The following ARMC2 variants were observed in gnomAD, a reference collection of about 807,000 sequenced individuals.
ARMC2 encodes the protein armadillo repeat containing 2.
A neutral mutation model predicts 90.3 loss-of-function variants in ARMC2; 67 were observed. That is an observed-to-expected ratio of 0.74 (90% CI 0.61 to 0.91). ARMC2 has a LOEUF of 0.91. Among genes scored for constraint, ARMC2 ranks in the 40% least tolerant of loss-of-function variants. The pLI is 0.00. For synonymous variants in ARMC2, 393 were observed against 393.0 expected (o/e 1.00, Z 0.00); for missense variants, 920 against 1,030.9 (o/e 0.89, Z 1.47).
intron 1 of ARMC2, among the ~76,000 whole-genome samples, chr6:108,851,549 C>T (rs1178278857): frequency 1.3e-5 from 2 of 152,054 alleles, no homozygotes; most frequent in East Asian, 1.9e-4. Flanking sequence ...CCCAATGCCT[C>T]TAAGTGCCCC....
Position 108,899,756 on chromosome 6 carries a change from A to G in ARMC2, c.811A>G (p.Thr271Ala). ...EIEVDEVFWN[T>A]RIVPILRELE... Reference sequence around the variant, plus strand: ...AGAAGTAGACGAAGTCTTTTGGAATACAAGGATTGTACCGATTTTGCGTGA... The same window carrying G: ...AGAAGTAGACGAAGTCTTTTGGAATGCAAGGATTGTACCGATTTTGCGTGA... Residue 271 changes from threonine (T) to alanine (A), a missense_variant, in exon 7 of 18, where the codon ACA becomes GCA. By Grantham distance (58) the Thr-to-Ala change is moderately conservative. Coordinates refer to ENST00000392644, the MANE Select transcript of ARMC2 (RefSeq NM_032131.6). The G allele has an allele frequency of 1.2e-6, 2 of 1,613,798 alleles. No homozygotes were observed. Among genetic ancestry groups the G allele is most frequent in the Non-Finnish European group, 1.7e-6 (2 of 1,179,784 alleles).
intron 2 of ARMC2, 54 bp downstream of exon 2, chr6:108,854,539 C>G: frequency 1.3e-5 from 19 of 1,517,394 alleles, no homozygotes; most frequent in Non-Finnish European, 1.6e-5. Flanking sequence ...CCAGGTTATA[C>G]CTTCCCTTAA....
At chr6:108,874,869 G>C (rs750595149) in intron 4 of ARMC2, among the ~76,000 whole-genome samples, 10 of 151,742 alleles carry the variant, frequency 6.6e-5, no homozygotes, top group Non-Finnish European at 1.2e-4. Flanking sequence ...AATCTCTAAG[G>C]TTCCTTTCAG....
the ARMC2 span, chr6:108,998,889 T>C: frequency 3.7e-6 from 4 of 1,086,512 alleles, no homozygotes; most frequent in East Asian, 2.7e-5. Context: ...ATTTGAAACA[T>C]GTAGAACCCA....
chr6:108,933,176 G>A (rs1775715869), intron 11 of ARMC2, among the ~76,000 whole-genome samples: 1 of 151,890 alleles, frequency 6.6e-6, no homozygotes, highest in South Asian at 2.1e-4. Context: ...CATTTTAATG[G>A]TACAAATTCT....
chr6:109,038,886 AAAG>A, the ARMC2 span, among the ~76,000 whole-genome samples: 175 of 151,514 alleles, frequency 1.2e-3, 1 homozygote, highest in African/African-American at 4.0e-3. Context: ...ATGAAGAGGA[AAAG>A]AAGAAGGAAG....
chr6:108,989,866 T>C, the ARMC2 span, among the ~76,000 whole-genome samples: 3 of 152,024 alleles, frequency 2.0e-5, no homozygotes, highest in Non-Finnish European at 4.4e-5. Context: ...GAGTTTTCAG[T>C]GGAAAGGGGA....
chr6:109,001,789 C>A, the ARMC2 span, among the ~76,000 whole-genome samples: 1 of 152,138 alleles, frequency 6.6e-6, no homozygotes, highest in Admixed American at 6.5e-5. Context: ...GCAGAGCTTG[C>A]AAACAGACAC....
chr6:108,906,121 A>C (rs1772665747), intron 8 of ARMC2, among the ~76,000 whole-genome samples: 1 of 152,262 alleles, frequency 6.6e-6, no homozygotes, highest in Non-Finnish European at 1.5e-5. Context: ...AAAGTTTTCC[A>C]GACAGTCATC....
At chr6:109,004,315 AAAAT>A in the ARMC2 span, among the ~76,000 whole-genome samples, 1 of 152,350 alleles carries the variant, frequency 6.6e-6, no homozygotes, top group Admixed American at 6.5e-5. Flanking sequence ...TCACATGGGA[AAAAT>A]AAATATATAC....
the ARMC2 span, among the ~76,000 whole-genome samples, chr6:109,032,325 A>C: frequency 2.0e-5 from 3 of 152,104 alleles, no homozygotes; most frequent in Non-Finnish European, 2.9e-5. Flanking sequence ...CCCCCTGTAC[A>C]TGAAAAGGTA....
At chr6:108,853,090 G>T (rs1774168756) in intron 1 of ARMC2, among the ~76,000 whole-genome samples, 1 of 152,042 alleles carries the variant, frequency 6.6e-6, no homozygotes, top group Non-Finnish European at 1.5e-5. Flanking sequence ...TCAAAATCCT[G>T]TATCAAAAAT....
chr6:108,848,834 C>G (rs1205204827), intron 1 of ARMC2: 1 of 152,374 alleles, frequency 6.6e-6, no homozygotes, highest in Non-Finnish European at 1.5e-5. Context: ...GAGGTGTCCC[C>G]AGCGGCTCCC....
chr6:108,900,303 C>T (rs1408152694), intron 7 of ARMC2, among the ~76,000 whole-genome samples: 1 of 152,232 alleles, frequency 6.6e-6, no homozygotes, highest in Admixed American at 6.5e-5. Context: ...GTGTCCCACC[C>T]TTGCGCTCTG....
intron 10 of ARMC2, among the ~76,000 whole-genome samples, chr6:108,924,709 C>G (rs1332684692): frequency 6.6e-6 from 1 of 152,100 alleles, no homozygotes; most frequent in Non-Finnish European, 1.5e-5. Flanking sequence ...GACTGAGGAA[C>G]CTTTAGGCTA....
chr6:109,011,938 TATTA>T, the ARMC2 span, among the ~76,000 whole-genome samples: 2 of 152,236 alleles, frequency 1.3e-5, no homozygotes, highest in African/African-American at 2.4e-5. Flanking sequence ...CCAATAAATG[TATTA>T]ATTAACCTGC....
At chr6:108,952,376 A>G (rs1777254246) in intron 12 of ARMC2, among the ~76,000 whole-genome samples, 1 of 152,258 alleles carries the variant, frequency 6.6e-6, no homozygotes, top group African/African-American at 2.4e-5. Flanking sequence ...GTAATTATAA[A>G]GGTGTCACTC....
At chr6:108,985,877 A>AAAC in the ARMC2 span, among the ~76,000 whole-genome samples, 1 of 152,198 alleles carries the variant, frequency 6.6e-6, no homozygotes, top group South Asian at 2.1e-4. Flanking sequence ...TTTAAATATA[A>AAAC]AACATATTGA....
chr6:109,000,408 T>C, the ARMC2 span: 3 of 1,101,430 alleles, frequency 2.7e-6, no homozygotes, highest in Non-Finnish European at 3.7e-6. Context: ...CTCTCTGTAC[T>C]TTCTGTGCGA....
Sources: gnomAD v4.1 joint callset for allele counts (sites outside exome capture counted in the v4.1 genomes callset) on GRCh38, gnomAD v4.1.1 for gene constraint, MANE v1.5 for transcripts, NCBI Gene and HGNC (gene_info 2026-07-23, HGNC 2026-07-21) for gene names.